The following MARCHF11 variants were observed in gnomAD, a reference collection of about 807,000 sequenced individuals.
The protein encoded by MARCHF11 is membrane associated ring-CH-type finger 11.
MARCHF11 carries 29 observed loss-of-function variants against 37.3 expected under a neutral mutation model. The ratio of observed to expected loss-of-function variants is 0.78; its 90% CI spans 0.58 to 1.06. The LOEUF is 1.06. MARCHF11 is among the 50% of genes least tolerant of loss of function. MARCHF11 has a pLI of 0.00. For synonymous variants in MARCHF11, 233 were observed against 228.0 expected, an observed-to-expected ratio of 1.02 and a Z score of -0.20; for missense variants, 482 against 533.4, an observed-to-expected ratio of 0.90 and a Z score of 0.95.
At chr5:16,155,910 G>C (rs1737971657) in intron 2 of MARCHF11, among the ~76,000 whole-genome samples, 1 of 151,902 alleles carries the variant, frequency 6.6e-6, no homozygotes, top group African/African-American at 2.4e-5. Context: ...CTGTGAAACT[G>C]CACTTTCAGG....
intron 2 of MARCHF11, among the ~76,000 whole-genome samples, chr5:16,111,599 G>C (rs185182446): frequency 6.6e-6 from 1 of 152,272 alleles, no homozygotes; most frequent in East Asian, 1.9e-4. Context: ...AGAGCATAAA[G>C]GTTCAGAAAA....
intron 2 of MARCHF11, among the ~76,000 whole-genome samples, chr5:16,168,984 C>T (rs898592412): frequency 2.0e-5 from 3 of 151,932 alleles, no homozygotes; most frequent in Admixed American, 6.6e-5. Flanking sequence ...TTATTTCCTG[C>T]AGGCTTTGGA....
intron 2 of MARCHF11, among the ~76,000 whole-genome samples, chr5:16,166,140 G>A (rs527296245): frequency 1.1e-4 from 16 of 152,158 alleles, no homozygotes; most frequent in African/African-American, 3.9e-4. Context: ...GGTTCTTCCA[G>A]GTTGGCTCTT....
chr5:16,144,471 T>G (rs1452969990), intron 2 of MARCHF11, among the ~76,000 whole-genome samples: 2 of 152,172 alleles, frequency 1.3e-5, no homozygotes, highest in Non-Finnish European at 2.9e-5. Flanking sequence ...TTCTCCCTTT[T>G]CTTTAATCTC....
chr5:16,165,906 G>A (rs1348661247), intron 2 of MARCHF11, among the ~76,000 whole-genome samples: 1 of 152,012 alleles, frequency 6.6e-6, no homozygotes, highest in Non-Finnish European at 1.5e-5. Flanking sequence ...CCTCCTGGAG[G>A]GGAGATTATA....
intron 3 of MARCHF11, among the ~76,000 whole-genome samples, chr5:16,073,910 T>C (rs1736475514): frequency 6.6e-6 from 1 of 152,194 alleles, no homozygotes; most frequent in South Asian, 2.1e-4. Context: ...TTAATAGATA[T>C]TTCCAGAACA....
chr5:16,149,905 C>A (rs539982588), intron 2 of MARCHF11, among the ~76,000 whole-genome samples: 1 of 150,530 alleles, frequency 6.6e-6, no homozygotes, highest in Non-Finnish European at 1.5e-5. Context: ...ATCTCCCAAA[C>A]ATAATGTTAA....
intron 2 of MARCHF11, among the ~76,000 whole-genome samples, chr5:16,169,241 G>A (rs529284318): frequency 6.6e-6 from 1 of 152,046 alleles, no homozygotes; most frequent in East Asian, 1.9e-4. Flanking sequence ...CCTGGAATAA[G>A]GGCTGGATAC....
At chr5:16,150,355 G>T (rs781431663) in intron 2 of MARCHF11, among the ~76,000 whole-genome samples, 1 of 149,188 alleles carries the variant, frequency 6.7e-6, no homozygotes, top group Non-Finnish European at 1.5e-5. Context: ...GAGCAGAATT[G>T]AGGATAAATG....
At position 16,148,272 on chromosome 5, in the gene MARCHF11, T is replaced by A. The variant is rs576342114; in HGVS notation, c.693+29454A>T. 2.0e-5 allele frequency among the ~76,000 whole-genome samples: 3 copies of A among 152,258 alleles called. No homozygotes were observed. The South Asian group carries it at 6.2e-4, about 32-fold the overall frequency. On this transcript the variant is annotated intron_variant, in intron 2 of 3. Coordinates refer to ENST00000332432, the MANE Select transcript of MARCHF11 (RefSeq NM_001102562.3). Reference sequence around the variant, plus strand: ...TTAAATTTATGAAAAAAAGTACCTATAATGTGTAAAACCATATAGACATCA... The same window carrying A: ...TTAAATTTATGAAAAAAAGTACCTAAAATGTGTAAAACCATATAGACATCA...
intron 2 of MARCHF11, among the ~76,000 whole-genome samples, chr5:16,096,408 T>G (rs1479491267): frequency 5.9e-5 from 9 of 152,212 alleles, no homozygotes; most frequent in Non-Finnish European, 1.3e-4. Context: ...ACATTGGATA[T>G]TATGTAATAT....
At chr5:16,073,779 T>G (rs968166181) in intron 3 of MARCHF11, among the ~76,000 whole-genome samples, 21 of 152,276 alleles carry the variant, frequency 1.4e-4, no homozygotes, top group Non-Finnish European at 2.9e-4. Flanking sequence ...CTACAATGTC[T>G]TAATTATATA....
intron 2 of MARCHF11, among the ~76,000 whole-genome samples, chr5:16,148,982 C>A (rs1039416298): frequency 2.6e-5 from 4 of 152,132 alleles, no homozygotes; most frequent in East Asian, 1.9e-4. Context: ...TCTGAGGTGA[C>A]TGGATTTAGA....
At chr5:16,150,570 T>C (rs954473317) in intron 2 of MARCHF11, among the ~76,000 whole-genome samples, 1 of 140,458 alleles carries the variant, frequency 7.1e-6, no homozygotes, top group East Asian at 2.0e-4. Context: ...AACAGTGTAA[T>C]GGTCAGGTCT....
intron 2 of MARCHF11, among the ~76,000 whole-genome samples, chr5:16,169,275 C>G (rs191473163): frequency 6.6e-6 from 1 of 151,964 alleles, no homozygotes; most frequent in Non-Finnish European, 1.5e-5. Flanking sequence ...CCTCCTCACC[C>G]CCGACACCCC....
intron 2 of MARCHF11, among the ~76,000 whole-genome samples, chr5:16,164,698 A>C (rs1738141283): frequency 6.6e-6 from 1 of 152,122 alleles, no homozygotes; most frequent in East Asian, 1.9e-4. Context: ...CTTGAAGTTA[A>C]AGTCCACATG....
At chr5:16,153,753 T>C (rs1037062331) in intron 2 of MARCHF11, among the ~76,000 whole-genome samples, 2 of 151,954 alleles carry the variant, frequency 1.3e-5, no homozygotes, top group African/African-American at 4.8e-5. Flanking sequence ...ACAGGCTAAC[T>C]AGAATAAATA....
chr5:16,153,582 T>C (rs1224953646), intron 2 of MARCHF11, among the ~76,000 whole-genome samples: 1 of 152,018 alleles, frequency 6.6e-6, no homozygotes, highest in Non-Finnish European at 1.5e-5. Flanking sequence ...TTAAGCGCAG[T>C]ATTCTTTACA....
At chr5:16,145,560 CA>C (rs1239479214) in intron 2 of MARCHF11, among the ~76,000 whole-genome samples, 1 of 152,186 alleles carries the variant, frequency 6.6e-6, no homozygotes, top group East Asian at 1.9e-4. Context: ...GCAATCCAAG[CA>C]GACTAATAAC....
Sources: gnomAD v4.1 joint callset for allele counts (sites outside exome capture counted in the v4.1 genomes callset) on GRCh38, gnomAD v4.1.1 for gene constraint, MANE v1.5 for transcripts, NCBI Gene and HGNC (gene_info 2026-07-23, HGNC 2026-07-21) for gene names.